The following VMP1 variants were observed in gnomAD, a reference collection of about 807,000 sequenced individuals.
VMP1 encodes ectopic P-granules autophagy protein 3 homolog.
A neutral mutation model predicts 56.0 loss-of-function variants in VMP1; 11 were observed. That is an observed-to-expected ratio of 0.20 (90% CI 0.12 to 0.32). The LOEUF (loss-of-function observed/expected upper bound fraction) is 0.32, where lower values mean the gene tolerates loss of function less well. Ranked by LOEUF, VMP1 falls within the 10% of genes least tolerant of loss-of-function variation. The pLI is 1.00. For missense variants in VMP1, 296 were observed against 490.3 expected (o/e 0.60, Z 3.74); for synonymous variants, 149 against 165.0 (o/e 0.90, Z 0.74).
chr17:59,807,179 A>G (rs1164785121), intron 7 of VMP1, among the ~76,000 whole-genome samples: 1 of 149,908 alleles, frequency 6.7e-6, no homozygotes, highest in Non-Finnish European at 1.5e-5. Context: ...AGATCTGTCC[A>G]GCTTCTTTTT....
intron 6 of VMP1, among the ~76,000 whole-genome samples, chr17:59,768,937 G>A (rs1419934341): frequency 2.0e-5 from 3 of 151,748 alleles, no homozygotes; most frequent in Non-Finnish European, 2.9e-5. Flanking sequence ...CCTGGCCAAC[G>A]TGGTGAAAGT....
intron 1 of VMP1, among the ~76,000 whole-genome samples, chr17:59,728,233 A>T (rs2034683986): frequency 2.0e-5 from 3 of 152,220 alleles, no homozygotes; most frequent in Admixed American, 2.0e-4. Flanking sequence ...ACAAGGAATA[A>T]ATTAGCACCA....
intron 7 of VMP1, among the ~76,000 whole-genome samples, chr17:59,792,254 C>T (rs927695234): frequency 3.3e-5 from 5 of 152,024 alleles, no homozygotes; most frequent in Non-Finnish European, 7.4e-5. Context: ...TCCAGCTAGA[C>T]GGCAGAGCAA....
intron 7 of VMP1, among the ~76,000 whole-genome samples, chr17:59,775,749 A>G (rs907577515): frequency 5.3e-5 from 8 of 152,212 alleles, no homozygotes; most frequent in Non-Finnish European, 1.2e-4. Context: ...AGCAAGGTAA[A>G]CTTTCAAAAC....
chr17:59,728,619 G>T (rs1000852568), intron 1 of VMP1, among the ~76,000 whole-genome samples: 1 of 152,050 alleles, frequency 6.6e-6, no homozygotes, highest in African/African-American at 2.4e-5. Flanking sequence ...CAGGAGGATC[G>T]CTTCAGGCCA....
chr17:59,724,141 G>A (rs964866422), intron 1 of VMP1, among the ~76,000 whole-genome samples: 2 of 151,536 alleles, frequency 1.3e-5, no homozygotes, highest in African/African-American at 4.9e-5. Context: ...GAACCCAGGA[G>A]GTCGAGGGTG....
chr17:59,818,156 T>C (rs922346673), intron 10 of VMP1, among the ~76,000 whole-genome samples: 4 of 152,176 alleles, frequency 2.6e-5, no homozygotes, highest in African/African-American at 9.7e-5. Context: ...AGATGCCAGA[T>C]ACACAGCTGC....
At chr17:59,749,008 G>A (rs2035540107) in intron 5 of VMP1, among the ~76,000 whole-genome samples, 1 of 150,766 alleles carries the variant, frequency 6.6e-6, no homozygotes, top group Middle Eastern at 3.2e-3. Flanking sequence ...GGAGTGCAGT[G>A]GTGCGATCTC....
chr17:59,752,102 T>G (rs1314544749), intron 5 of VMP1, among the ~76,000 whole-genome samples: 2 of 152,228 alleles, frequency 1.3e-5, no homozygotes. Context: ...CATGAGCCAC[T>G]GTATCCGGCC....
intron 5 of VMP1, among the ~76,000 whole-genome samples, chr17:59,742,316 C>T (rs2035254880): frequency 6.6e-6 from 1 of 151,782 alleles, no homozygotes; most frequent in Non-Finnish European, 1.5e-5. Flanking sequence ...AAGAGCAGAC[C>T]TAGCAAGACC....
At chr17:59,714,205 T>C (rs1343386746) in intron 1 of VMP1, among the ~76,000 whole-genome samples, 2 of 152,104 alleles carry the variant, frequency 1.3e-5, no homozygotes, top group African/African-American at 4.8e-5. Context: ...GGTAAGGGCC[T>C]TCTTGCTGGA....
At chr17:59,803,707 A>G (rs2037750824) in intron 7 of VMP1, among the ~76,000 whole-genome samples, 2 of 152,214 alleles carry the variant, frequency 1.3e-5, no homozygotes, top group Non-Finnish European at 2.9e-5. Context: ...GAAGTAATCA[A>G]ATTGGTCATG....
chr17:59,727,371 T>C (rs1452875277), intron 1 of VMP1, among the ~76,000 whole-genome samples: 1 of 152,114 alleles, frequency 6.6e-6, no homozygotes, highest in Non-Finnish European at 1.5e-5. Flanking sequence ...CCTGACCTCG[T>C]GATCTGCCCG....
At position 59,773,760 on chromosome 17, in the gene VMP1, G is replaced by A; in HGVS notation, c.589G>A (p.Gly197Ser). The A allele has an allele frequency of 1.2e-6, 2 of 1,602,512 alleles. No individual in the cohort carries two copies. Among genetic ancestry groups the A allele is most frequent in the Non-Finnish European group, 8.5e-7 (1 of 1,176,026 alleles). ...ATTTTGGTTTTTCACCTAGGGTATC[G>A]GTACAGCAATCGGAGAGCTGCCTCC... is the stretch of plus-strand genomic sequence containing the variant. Reference protein sequence around the residue: ...VRIEACMWGIGTAIGELPPYF... With the variant: ...VRIEACMWGISTAIGELPPYF... The change falls in exon 7 of 12, where the codon GGT (glycine) becomes AGT (serine). Residue 197 changes from glycine (G) to serine (S), a missense_variant. Gly to Ser is a moderately conservative substitution (Grantham distance 56, BLOSUM62 0). Transcript: ENST00000262291.
intron 5 of VMP1, among the ~76,000 whole-genome samples, chr17:59,747,886 C>T (rs2143885609): frequency 6.6e-6 from 1 of 151,656 alleles, no homozygotes; most frequent in Non-Finnish European, 1.5e-5. Context: ...CAGAGCGAAA[C>T]CCTGTCTCTT....
intron 1 of VMP1, among the ~76,000 whole-genome samples, chr17:59,710,852 C>G (rs995926328): frequency 3.3e-5 from 5 of 152,098 alleles, no homozygotes; most frequent in African/African-American, 9.7e-5. Context: ...GGGAAGATCA[C>G]CTGAGATCAG....
chr17:59,711,088 GAAAAT>G (rs1172256927), intron 1 of VMP1, among the ~76,000 whole-genome samples: 2 of 146,844 alleles, frequency 1.4e-5, no homozygotes, highest in African/African-American at 5.1e-5. Flanking sequence ...AAAAAGAGAA[GAAAAT>G]AAAAGAAAAG....
chr17:59,807,291 G>T lies in VMP1; in HGVS notation c.715-1505G>T, dbSNP rs574422175. On this transcript the variant is annotated intron_variant, in intron 7 of 11. Transcript: ENST00000262291. ...CAGCTCACTGCAAACTCTGCCTCCC[G>T]GGTTTGCACCATTCTCCTGCCTCAG... is the stretch of plus-strand genomic sequence containing the variant. Among the ~76,000 whole-genome samples, 214 of 150,136 alleles carry T rather than the reference G, an allele frequency of 1.4e-3. 1 individual carries two copies. Among genetic ancestry groups the T allele is most frequent in the African/African-American group, 5.2e-3 (212 of 40,748 alleles).
chr17:59,716,090 TAA>T (rs1365689553), intron 1 of VMP1, among the ~76,000 whole-genome samples: 3 of 152,176 alleles, frequency 2.0e-5, no homozygotes, highest in Non-Finnish European at 4.4e-5. Context: ...AGCTTATTCA[TAA>T]GTGTGGCTCA....
Sources: allele counts gnomAD v4.1 joint callset (sites outside exome capture counted in the v4.1 genomes callset), GRCh38; gene constraint gnomAD v4.1.1; transcripts MANE v1.5; gene names NCBI Gene and HGNC (gene_info 2026-07-23, HGNC 2026-07-21).